Variants in NEBL observed in about 807,000 individuals in gnomAD.
NEBL encodes the protein nebulette.
In NEBL, 122 loss-of-function variants were observed where a neutral mutation model predicts 140.2. The observed-to-expected ratio is 0.87, with a 90% CI of 0.75 to 1.01. The LOEUF (loss-of-function observed/expected upper bound fraction) is 1.01. Among genes scored for constraint, NEBL ranks in the 50% least tolerant of loss-of-function variants. The probability of loss-of-function intolerance (pLI) is 0.00; values close to 1 mark genes in which losing one functional copy is unlikely to be tolerated. For synonymous variants in NEBL, 436 were observed against 398.9 expected, an observed-to-expected ratio of 1.09 and a Z score of -1.11; for missense variants, 1,365 against 1,231.3, an observed-to-expected ratio of 1.11 and a Z score of -1.62.
At chr10:21,252,461 A>G (rs1842599310) in intron 1 of NEBL, among the ~76,000 whole-genome samples, 2 of 152,200 alleles carry the variant, frequency 1.3e-5, no homozygotes, top group African/African-American at 2.4e-5. Context: ...AGCAAACTCC[A>G]TGCCCTAATT....
At chr10:20,946,248 C>T (rs1835153404) in intron 4 of NEBL, among the ~76,000 whole-genome samples, 1 of 152,170 alleles carries the variant, frequency 6.6e-6, no homozygotes, top group South Asian at 2.1e-4. Context: ...TGTTTCTGCA[C>T]ATGGAAATTG....
intron 1 of NEBL, among the ~76,000 whole-genome samples, chr10:21,279,287 C>CAA (rs1554836316): frequency 2.9e-5 from 3 of 101,736 alleles, no homozygotes; most frequent in African/African-American, 1.5e-4. Flanking sequence ...TTTATTTTTT[C>CAA]AATTTTTTTT....
intron 2 of NEBL, among the ~76,000 whole-genome samples, chr10:21,049,993 G>T (rs1257795847): frequency 6.6e-6 from 1 of 152,308 alleles, no homozygotes; most frequent in Non-Finnish European, 1.5e-5. Flanking sequence ...GAACATGAAA[G>T]GTTACTGAAG....
chr10:20,839,301 A>G (rs1042858705), intron 13 of NEBL, among the ~76,000 whole-genome samples: 3 of 152,216 alleles, frequency 2.0e-5, no homozygotes, highest in Admixed American at 2.0e-4. Context: ...CAATCTCTGC[A>G]TGTGGATTGG....
intron 3 of NEBL, among the ~76,000 whole-genome samples, chr10:21,198,900 T>C (rs1317096278): frequency 6.6e-6 from 1 of 152,192 alleles, no homozygotes; most frequent in Admixed American, 6.5e-5. Context: ...GCTAAATTGT[T>C]TCTGTCCATC....
chr10:20,919,216 G>A (rs1319440472), intron 4 of NEBL, among the ~76,000 whole-genome samples: 2 of 152,130 alleles, frequency 1.3e-5, no homozygotes, highest in African/African-American at 4.8e-5. Flanking sequence ...TGATTTCCGA[G>A]AAAATTATAT....
intron 3 of NEBL, among the ~76,000 whole-genome samples, chr10:21,226,168 C>G (rs928742484): frequency 6.6e-6 from 1 of 151,870 alleles, no homozygotes; most frequent in African/African-American, 2.4e-5. Context: ...CCCAGTGTGT[C>G]TAGAAATGTC....
chr10:21,165,076 T>C (rs371123700), intron 2 of NEBL, among the ~76,000 whole-genome samples: 1 of 152,204 alleles, frequency 6.6e-6, no homozygotes, highest in Admixed American at 6.5e-5. Context: ...TTCACTATTA[T>C]AAGTAAAAGA....
At chr10:20,991,828 T>G (rs1025819004) in intron 3 of NEBL, among the ~76,000 whole-genome samples, 16 of 146,436 alleles carry the variant, frequency 1.1e-4, no homozygotes, top group Admixed American at 9.9e-4. Context: ...CCATATGTAC[T>G]CAGCATTTAG....
At chr10:21,042,442 A>T (rs1178036353) in intron 2 of NEBL, among the ~76,000 whole-genome samples, 1 of 152,240 alleles carries the variant, frequency 6.6e-6, no homozygotes, top group East Asian at 1.9e-4. Context: ...ATTAAATTGT[A>T]TCAACTTACA....
chr10:21,106,427 A>T (rs1837719849), intron 2 of NEBL, among the ~76,000 whole-genome samples: 1 of 152,152 alleles, frequency 6.6e-6, no homozygotes, highest in Non-Finnish European at 1.5e-5. Context: ...TCCCAGCAGC[A>T]TTTATTAAAT....
intron 7 of NEBL, among the ~76,000 whole-genome samples, chr10:20,863,634 TA>T (rs1843957311): frequency 6.6e-6 from 1 of 152,200 alleles, no homozygotes; most frequent in Non-Finnish European, 1.5e-5. Flanking sequence ...CACCAAATGT[TA>T]ATGATCCAGA....
intron 13 of NEBL, among the ~76,000 whole-genome samples, chr10:20,838,072 G>T (rs1341011646): frequency 1.3e-5 from 2 of 152,116 alleles, no homozygotes; most frequent in African/African-American, 4.8e-5. Flanking sequence ...GCAGCCCATG[G>T]ATCAAGGAAA....
At chr10:21,174,065 G>T (rs1589314263) in exon 1 of NEBL, 1 of 1,095,438 alleles carries the variant, frequency 9.1e-7, no homozygotes. Flanking sequence ...CTCGGCTCCG[G>T]CTCCGGCTCC....
chr10:21,029,222 C>A, intron 2 of NEBL: 2 of 1,475,018 alleles, frequency 1.4e-6, no homozygotes, highest in Non-Finnish European at 1.9e-6. Flanking sequence ...ATCCTTCCCA[C>A]TGCTCCACCG....
At chr10:21,270,233 C>G (rs1018877536) in intron 1 of NEBL, among the ~76,000 whole-genome samples, 9 of 152,172 alleles carry the variant, frequency 5.9e-5, no homozygotes, top group Non-Finnish European at 5.9e-5. Flanking sequence ...CTAAATTACT[C>G]AGAAATTATC....
chr10:21,077,075 ATTTAAAAATATG>A (rs1026016967), intron 2 of NEBL, among the ~76,000 whole-genome samples: 4 of 152,344 alleles, frequency 2.6e-5, no homozygotes, highest in Admixed American at 2.0e-4. Context: ...TCTTACCACA[ATTTAAAAATATG>A]TTTAAAAATA....
At chr10:20,854,798 C>G (rs558433047) in intron 9 of NEBL, among the ~76,000 whole-genome samples, 1 of 152,212 alleles carries the variant, frequency 6.6e-6, no homozygotes, top group South Asian at 2.1e-4. Flanking sequence ...CTCCTGGCCT[C>G]AAGCCATCCT....
chr10:20,808,130 T>C (rs996477727), intron 26 of NEBL, among the ~76,000 whole-genome samples: 4 of 152,058 alleles, frequency 2.6e-5, no homozygotes, highest in African/African-American at 9.7e-5. Flanking sequence ...GTAAGATTGA[T>C]TTTTTTCCTT....
Sources: allele counts gnomAD v4.1 joint callset (sites outside exome capture counted in the v4.1 genomes callset), GRCh38; gene constraint gnomAD v4.1.1; transcripts MANE v1.5; gene names NCBI Gene and HGNC (gene_info 2026-07-23, HGNC 2026-07-21).